The following SLCO6A1 variants were observed in gnomAD, a reference collection of about 807,000 sequenced individuals.
The protein encoded by SLCO6A1 is solute carrier organic anion transporter family member 6A1, also known as cancer/testis antigen 48.
Under a neutral mutation model 72.7 loss-of-function variants are expected in SLCO6A1, and 65 were observed. The observed-to-expected ratio is 0.89, with a 90% CI of 0.73 to 1.10. The LOEUF is 1.10. SLCO6A1 is among the 50% of genes least tolerant of loss of function. The probability of loss-of-function intolerance (pLI) is 0.00; values close to 1 mark genes in which losing one functional copy is unlikely to be tolerated. For synonymous variants in SLCO6A1, 314 were observed against 298.2 expected (o/e 1.05, Z -0.55); for missense variants, 874 against 872.6 (o/e 1.00, Z -0.02).
At chr5:102,492,957 G>T (rs1320959098) in intron 1 of SLCO6A1, among the ~76,000 whole-genome samples, 1 of 152,168 alleles carries the variant, frequency 6.6e-6, no homozygotes, top group South Asian at 2.1e-4. Context: ...TCCACCTCTA[G>T]GGGCAGGGCA....
At chr5:102,457,122 A>C (rs919277486) in intron 6 of SLCO6A1, among the ~76,000 whole-genome samples, 7 of 152,200 alleles carry the variant, frequency 4.6e-5, no homozygotes, top group East Asian at 1.9e-4. Context: ...TAAAGACTTA[A>C]ATGTTAGACC....
At chr5:102,485,105 G>C (rs1232102493) in intron 1 of SLCO6A1, among the ~76,000 whole-genome samples, 1 of 152,018 alleles carries the variant, frequency 6.6e-6, no homozygotes, top group Non-Finnish European at 1.5e-5. Flanking sequence ...TACAAAATTA[G>C]CCAGGCTTGG....
intron 4 of SLCO6A1, among the ~76,000 whole-genome samples, chr5:102,463,157 A>G (rs995156969): frequency 5.9e-5 from 9 of 152,166 alleles, no homozygotes; most frequent in East Asian, 1.9e-4. Context: ...CCCAATAAAC[A>G]TATGAAAAAA....
chr5:102,372,701 G>C (rs1428855680), intron 13 of SLCO6A1, among the ~76,000 whole-genome samples: 9 of 149,544 alleles, frequency 6.0e-5, no homozygotes, highest in African/African-American at 1.7e-4. Context: ...AAAGGAAAAA[G>C]GTAACAAAAA....
chr5:102,454,119 G>A (rs1316273036), intron 6 of SLCO6A1, among the ~76,000 whole-genome samples: 4 of 152,124 alleles, frequency 2.6e-5, no homozygotes, highest in Admixed American at 6.5e-5. Flanking sequence ...TGGTAGCTAC[G>A]ATGCTGGCCT....
In SLCO6A1 at chr5:102,479,140, G is replaced by A. The variant is rs554899778; in HGVS notation, c.616+1037C>T. Among the ~76,000 whole-genome samples the A allele has an allele frequency of 3.9e-5, 6 of 152,206 alleles. No individual in the cohort carries two copies. In the East Asian group the frequency reaches 1.2e-3, roughly 29 times the overall value. On this transcript the variant is annotated intron_variant, in intron 2 of 13. Transcript: ENST00000506729. ...ACCTGGTGGGAGGTGACTGGATCAC[G>A]GGAGCAGATTTCCCCCTTGCTGTTC... is the stretch of plus-strand genomic sequence containing the variant.
At chr5:102,478,227 C>T (rs10515325) in intron 2 of SLCO6A1, among the ~76,000 whole-genome samples, 8,263 of 152,136 alleles carry the variant, frequency 0.054, 745 homozygotes, top group African/African-American at 0.19. Flanking sequence ...TAAACCAAAA[C>T]ATAAATGTGC....
Position 102,437,299 on chromosome 5 carries a change from TTC to T in SLCO6A1, c.1276+1316_1276+1317del, listed in dbSNP as rs1749592489. Among the ~76,000 whole-genome samples the T allele has an allele frequency of 2.0e-5, 3 of 152,166 alleles. No homozygotes were observed. The South Asian group carries it at 6.2e-4, about 32-fold the overall frequency. On this transcript the variant is annotated intron_variant, in intron 7 of 13. Coordinates refer to ENST00000506729, the MANE Select transcript of SLCO6A1 (RefSeq NM_173488.5). ...GGTAGAATTTGCAATTGCTAATGTA[TTC>T]TGTTATACTTTGATATCTCAGGCTA...
chr5:102,401,719 G>C (rs1747408619), intron 9 of SLCO6A1, among the ~76,000 whole-genome samples: 1 of 152,118 alleles, frequency 6.6e-6, no homozygotes, highest in Admixed American at 6.5e-5. Context: ...AAGGGAGGCA[G>C]TCAGTCATTC....
At chr5:102,435,078 C>G (rs1054595376) in intron 7 of SLCO6A1, among the ~76,000 whole-genome samples, 2 of 152,164 alleles carry the variant, frequency 1.3e-5, no homozygotes, top group Non-Finnish European at 2.9e-5. Flanking sequence ...AATCTTGGAT[C>G]CATTTTAAGA....
At chr5:102,470,629 G>T (rs1561488684) in intron 4 of SLCO6A1, among the ~76,000 whole-genome samples, 1 of 151,772 alleles carries the variant, frequency 6.6e-6, no homozygotes, top group Non-Finnish European at 1.5e-5. Flanking sequence ...TTGATTTTTT[G>T]AAGGGTTTTT....
chr5:102,386,777 C>T (rs1342912268), intron 12 of SLCO6A1, among the ~76,000 whole-genome samples: 1 of 152,162 alleles, frequency 6.6e-6, no homozygotes, highest in Non-Finnish European at 1.5e-5. Flanking sequence ...GTTTCCTCCA[C>T]AGGTGTCTGC....
At chr5:102,415,428 G>A (rs10079264) in intron 8 of SLCO6A1, among the ~76,000 whole-genome samples, 10,913 of 152,108 alleles carry the variant, frequency 0.072, 451 homozygotes, top group African/African-American at 0.1. Flanking sequence ...ACTGATCTTT[G>A]ACAAAGTTAA....
chr5:102,488,262 G>C (rs1042548690), intron 1 of SLCO6A1, among the ~76,000 whole-genome samples: 1 of 152,060 alleles, frequency 6.6e-6, no homozygotes, highest in African/African-American at 2.4e-5. Flanking sequence ...AACATAAAGA[G>C]AAACAAACCA....
rs2112884646 is a variant in SLCO6A1, at chr5:102,498,920, G to A, written c.-76C>T. The A allele has an allele frequency of 2.1e-6, 3 of 1,403,706 alleles. No homozygotes were observed. In the South Asian group the frequency reaches 4.0e-5, roughly 19 times the overall value. 87.0% of individuals were successfully genotyped at this position (1,403,706 alleles called of 1,614,324 possible). A position where few individuals can be genotyped will look rare whatever the true frequency, so the allele number is the denominator to read the frequency against. On this transcript the variant is annotated 5_prime_UTR_variant, in exon 1 of 14. Transcript: ENST00000506729. Reference sequence around the variant, plus strand: ...CCGTCCTGCCTGGGCCAACCCAAAGGCCAGCCTGGCGAGGGCGTCGGAGGA... The same window carrying A: ...CCGTCCTGCCTGGGCCAACCCAAAGACCAGCCTGGCGAGGGCGTCGGAGGA...
At position 102,498,474 on chromosome 5, in the gene SLCO6A1, C is replaced by T. The variant is rs1467090157; in HGVS notation, c.358+13G>A. On this transcript the variant is annotated intron_variant, in intron 1 of 13. Transcript: ENST00000506729. The stretch of plus-strand genomic sequence containing the variant: ...CTGCCCTCGCCACAACAAACCGCCT[C>T]CTTCAGGCTCACCTTGACATATGAG... The T allele has an allele frequency of 6.2e-7, 1 of 1,605,748 alleles. No homozygotes were observed. Among genetic ancestry groups the T allele is most frequent in the East Asian group, 2.2e-5 (1 of 44,748 alleles).
chr5:102,460,296 T>C (rs1156635254), intron 4 of SLCO6A1, among the ~76,000 whole-genome samples: 1 of 152,148 alleles, frequency 6.6e-6, no homozygotes, highest in African/African-American at 2.4e-5. Flanking sequence ...AGTGTGAATG[T>C]ATCCTTCTAG....
chr5:102,421,650 C>T (rs773428016), intron 7 of SLCO6A1, among the ~76,000 whole-genome samples: 41 of 152,292 alleles, frequency 2.7e-4, no homozygotes, highest in Middle Eastern at 3.4e-3. Context: ...ACTCCCATCT[C>T]CCTGGGACAG....
intron 12 of SLCO6A1, among the ~76,000 whole-genome samples, chr5:102,375,439 G>A (rs1010726336): frequency 1.3e-5 from 2 of 152,064 alleles, no homozygotes; most frequent in Non-Finnish European, 1.5e-5. Flanking sequence ...GTCTGTTTCT[G>A]AAGGCACATA....
Sources: allele counts gnomAD v4.1 joint callset (sites outside exome capture counted in the v4.1 genomes callset), GRCh38; gene constraint gnomAD v4.1.1; transcripts MANE v1.5; gene names NCBI Gene and HGNC (gene_info 2026-07-23, HGNC 2026-07-21).